The following ODAD3 variants were observed in gnomAD, a reference collection of about 807,000 sequenced individuals.
The protein encoded by ODAD3 is outer dynein arm-docking complex subunit 3.
In ODAD3, 57 loss-of-function variants were observed where a neutral mutation model predicts 70.9. The ratio of observed to expected loss-of-function variants is 0.80; its 90% confidence interval spans 0.65 to 1.00. The LOEUF is 1.00. Among genes scored for constraint, ODAD3 ranks in the 50% least tolerant of loss-of-function variants. ODAD3 has a pLI of 0.00. For missense variants in ODAD3, 797 were observed against 763.9 expected, an observed-to-expected ratio of 1.04 and a Z score of -0.51; for synonymous variants, 327 against 315.9, an observed-to-expected ratio of 1.04 and a Z score of -0.37.
Position 11,420,794 on chromosome 19 carries a change from G to C in ODAD3, c.*41C>G, listed in dbSNP as rs747745524. The C allele has an allele frequency of 5.5e-5, 85 of 1,548,464 alleles. No homozygotes were observed. Among genetic ancestry groups the C allele is most frequent in the Non-Finnish European group, 7.4e-5 (83 of 1,121,038 alleles). Reference sequence around the variant, plus strand: ...GCCTGCGCTAGACCCGGAGGGATCGGGGGCTCCGAAGGGGGCCGCCTGGTG... The same window carrying C: ...GCCTGCGCTAGACCCGGAGGGATCGCGGGCTCCGAAGGGGGCCGCCTGGTG... On this transcript the variant is annotated 3_prime_UTR_variant, in exon 13 of 13. Transcript: ENST00000356392.
intron 3 of ODAD3, 25 bp downstream of exon 3, chr19:11,430,674 G>A (rs757596860): frequency 3.7e-6 from 6 of 1,612,866 alleles, no homozygotes; most frequent in East Asian, 4.5e-5. Context: ...AAATGAAGGA[G>A]GAGGTGGGGC....
Position 11,434,894 on chromosome 19 carries a change from G to C in ODAD3, c.123C>G (p.Gly41=). The change falls in exon 1 of 13, where the codon GGC becomes GGG. Residue 41 remains glycine (G), a synonymous_variant. Coordinates refer to ENST00000356392, the MANE Select transcript of ODAD3 (RefSeq NM_145045.5). ...GGGTCCACGCCTGGGCTGTGCCCTT[G>C]CCTCGGAGGTGGCTGGGTTTGCCCG... ...EASGKPSHLR[G]KGTAQAWTPG... is the part of the protein sequence containing the mutation. 1.2e-6 allele frequency: 2 copies of C among 1,614,180 alleles called. No homozygotes were observed. The highest frequency in any genetic ancestry group is 1.7e-6 in the Non-Finnish European group (2 of 1,180,036).
At chr19:11,427,684 G>A (rs1207805730) in intron 3 of ODAD3, among the ~76,000 whole-genome samples, 3 of 151,926 alleles carry the variant, frequency 2.0e-5, no homozygotes, top group Admixed American at 2.0e-4. Flanking sequence ...GTTTCACCAC[G>A]TTGACCAGGC....
At position 11,423,995 on chromosome 19, in the gene ODAD3, T is replaced by C; in HGVS notation, c.998A>G (p.Asp333Gly). ...GGCATGCAGGCTGTCCTGGATGGTG[T>C]CGTCGGACTGTAGCAGCAGGTGCTC... Reference protein sequence around the residue: ...HREHLLLQSDDTIQDSLHAKE... With the variant: ...HREHLLLQSDGTIQDSLHAKE... Residue 333 changes from aspartate (D) to glycine (G), a missense_variant, in exon 8 of 13, where the codon GAC becomes GGC. Asp to Gly is a moderately conservative substitution (Grantham distance 94). Coordinates refer to ENST00000356392, the MANE Select transcript of ODAD3 (RefSeq NM_145045.5). 6.2e-7 allele frequency: 1 copy of C among 1,612,164 alleles called. No individual in the cohort carries two copies. Among genetic ancestry groups the C allele is most frequent in the African/African-American group, 1.3e-5 (1 of 74,982 alleles).
chr19:11,425,365 ATG>A (rs1474163873), intron 7 of ODAD3, among the ~76,000 whole-genome samples: 1 of 138,982 alleles, frequency 7.2e-6, no homozygotes, highest in East Asian at 2.2e-4. Context: ...ATATGTACAT[ATG>A]TGTATATATG....
At chr19:11,427,077 C>T (rs570878583) in intron 3 of ODAD3, 37 bp from the exon 4 acceptor site, 19 of 1,518,492 alleles carry the variant, frequency 1.3e-5, no homozygotes, top group East Asian at 7.1e-5. Context: ...GGAGCCTCAA[C>T]ACCCTACCCC....
At chr19:11,424,635 ATATGTGTATATATACC>A (rs1204880412) in intron 7 of ODAD3, among the ~76,000 whole-genome samples, 1 of 116,654 alleles carries the variant, frequency 8.6e-6, no homozygotes, top group Non-Finnish European at 1.6e-5. Flanking sequence ...ATATATGTAT[ATATGTGTATATATACC>A]TATGTGTATA....
At chr19:11,423,117 T>C (rs1969180731) in intron 8 of ODAD3, among the ~76,000 whole-genome samples, 1 of 152,242 alleles carries the variant, frequency 6.6e-6, no homozygotes. Context: ...CGGGGGCAAC[T>C]GGAGAGGCGA....
rs555886657 is a variant in ODAD3 at position 11,428,025 on chromosome 19, G to C, written c.445-985C>G. On this transcript the variant is annotated intron_variant, in intron 3 of 12. Coordinates refer to ENST00000356392, the MANE Select transcript of ODAD3 (RefSeq NM_145045.5). ...TGAGGCAGAAGAATGGCGAGAACCC[G>C]GGAGGCGGAGCTTGCAGTGAGCCAA... Among the ~76,000 whole-genome samples, 86 of 151,776 alleles carry C rather than the reference G, an allele frequency of 5.7e-4. 1 individual carries two copies. Among genetic ancestry groups the C allele is most frequent in the Middle Eastern group, 3.4e-3 (1 of 294 alleles).
chr19:11,426,758 C>T lies in ODAD3; in HGVS notation c.639G>A (p.Leu213=), dbSNP rs1212687616. ...CCTGCGCCTTCATCTGGGCCTTCTC[C>T]AGGCGGTTCTCCAGGTTCCGCATGG... ...AKTMRNLENR[L]EKAQMKAQEA... The change falls in exon 5 of 13, where the codon CTG becomes CTA. Residue 213 remains leucine, a synonymous_variant. Coordinates refer to ENST00000356392, the MANE Select transcript of ODAD3 (RefSeq NM_145045.5). 1.9e-6 allele frequency: 3 copies of T among 1,613,982 alleles called. No individual in the cohort carries two copies. Among genetic ancestry groups the T allele is most frequent in the Non-Finnish European group, 2.5e-6 (3 of 1,179,920 alleles).
chr19:11,434,563 A>G, intron 1 of ODAD3: 1 of 454,392 alleles, frequency 2.2e-6, no homozygotes, highest in East Asian at 3.7e-5. Flanking sequence ...AGAGAAAATA[A>G]ATTACAAGAA....
chr19:11,432,344 G>T (rs958080480), intron 1 of ODAD3, among the ~76,000 whole-genome samples: 6 of 152,158 alleles, frequency 3.9e-5, no homozygotes, highest in African/African-American at 1.2e-4. Context: ...AACCTCCTGA[G>T]CTCAAGCAGT....
At position 11,426,664 on chromosome 19, in the gene ODAD3, G is replaced by A. The variant is rs759961317; in HGVS notation, c.714+19C>T. 1.9e-6 allele frequency: 3 copies of A among 1,613,608 alleles called. No individual in the cohort carries two copies. The South Asian group carries it at 3.3e-5, about 18-fold the overall frequency. ...GCCCTCCCTGTTTGTCATCTCACCCGAGCCCTCCTAGTCCCTACCATTAGA... is the reference window on the plus strand; with the variant it reads ...GCCCTCCCTGTTTGTCATCTCACCCAAGCCCTCCTAGTCCCTACCATTAGA... On this transcript the variant is annotated intron_variant, in intron 5 of 12. Transcript: ENST00000356392.
Position 11,435,050 on chromosome 19 carries a change from G to T in ODAD3, c.-34C>A, listed in dbSNP as rs111350128. ...TGGGGCTGAAGGCCCCTAGGGGTTAGGGGGATAACTAGGAGTCAGTCGCCC... is the reference window on the plus strand; with the variant it reads ...TGGGGCTGAAGGCCCCTAGGGGTTATGGGGATAACTAGGAGTCAGTCGCCC... On this transcript the variant is annotated 5_prime_UTR_variant, in exon 1 of 13. Transcript: ENST00000356392. The T allele has an allele frequency of 9.5e-5, 149 of 1,573,492 alleles. 1 individual carries two copies. The African/African-American group carries it at 1.8e-3, about 19-fold the overall frequency.
chr19:11,426,716 G>A lies in ODAD3; in HGVS notation c.681C>T (p.Thr227=). 1 of 1,613,886 alleles carries A rather than the reference G, an allele frequency of 6.2e-7. No homozygotes were observed. The highest frequency in any genetic ancestry group is 8.5e-7 in the Non-Finnish European group (1 of 1,179,888). Residue 227 remains threonine, a synonymous_variant, in exon 5 of 13, where the codon ACC becomes ACT. Coordinates refer to ENST00000356392, the MANE Select transcript of ODAD3 (RefSeq NM_145045.5). ...QMKAQEAEHI[T]SVYLQLKAYL... ...AGGCCTTGAGCTGCAGGTACACGCT[G>A]GTAATGTGCTCGGCCTCCTGCGCCT...
At chr19:11,432,143 A>G (rs941795331) in intron 1 of ODAD3, among the ~76,000 whole-genome samples, 2 of 152,118 alleles carry the variant, frequency 1.3e-5, no homozygotes, top group Admixed American at 1.3e-4. Flanking sequence ...AAAAAACCCC[A>G]AAATCCTTCC....
Position 11,426,526 on chromosome 19 carries a change from C to G in ODAD3, c.760G>C (p.Glu254Gln). 6.2e-7 allele frequency: 1 copy of G among 1,614,096 alleles called. No individual in the cohort carries two copies. Residue 254 changes from glutamate (E) to glutamine (Q), a missense_variant, in exon 6 of 13, where the codon GAG becomes CAG. Transcript: ENST00000356392. ...LENRLDSMEAEVVRTKHELEA... is the reference protein window; with the variant it reads ...LENRLDSMEAQVVRTKHELEA... Reference sequence around the variant, plus strand: ...AGCTCATGTTTGGTCCTCACCACCTCAGCCTCCATGGAGTCCAGCCGGTTC... The same window carrying G: ...AGCTCATGTTTGGTCCTCACCACCTGAGCCTCCATGGAGTCCAGCCGGTTC...
rs1354627205 is a variant in ODAD3 at position 11,426,190 on chromosome 19, T to A, written c.917A>T (p.Lys306Met). 6.2e-7 allele frequency: 1 copy of A among 1,613,488 alleles called. No homozygotes were observed. The highest frequency in any genetic ancestry group is 1.3e-5 in the African/African-American group (1 of 74,896). The change falls in exon 7 of 13, where the codon AAG becomes ATG. Residue 306 changes from lysine to methionine, a missense_variant. Physicochemically the swap from Lys to Met is moderately conservative, Grantham distance 95. Transcript: ENST00000356392. ...CTCCAGTTTCTTCTCCTCGGCGCGCTTCTTGCACTCACTTATGTAGCGTTC... is the reference window on the plus strand; with the variant it reads ...CTCCAGTTTCTTCTCCTCGGCGCGCATCTTGCACTCACTTATGTAGCGTTC... The part of the protein sequence containing the change: ...KRERYISECK[K>M]RAEEKKLENE...
In ODAD3 at chr19:11,434,862, C is replaced by T. The variant is rs750911016; in HGVS notation, c.155G>A (p.Arg52His). The stretch of plus-strand genomic sequence containing the variant: ...TCTGTGGAAGGATCCTCCCTTGGAA[C>T]GGCCTGGGGTCCACGCCTGGGCTGT... ...KGTAQAWTPG[R>H]SKGGSFHRGA... The change falls in exon 1 of 13, where the codon CGT (arginine) becomes CAT (histidine). Residue 52 changes from arginine to histidine, a missense_variant. Arg to His is a conservative substitution (Grantham distance 29, BLOSUM62 0). Coordinates refer to ENST00000356392, the MANE Select transcript of ODAD3 (RefSeq NM_145045.5). 46 of 1,614,086 alleles carry T rather than the reference C, an allele frequency of 2.8e-5. No individual in the cohort carries two copies. The highest frequency in any genetic ancestry group is 3.8e-5 in the Non-Finnish European group (45 of 1,180,050).
Sources: gnomAD v4.1 joint callset for allele counts (sites outside exome capture counted in the v4.1 genomes callset) on GRCh38, gnomAD v4.1.1 for gene constraint, MANE v1.5 for transcripts, NCBI Gene and HGNC (gene_info 2026-07-23, HGNC 2026-07-21) for gene names.